EVC: variants seen among roughly 807,000 people sequenced by gnomAD.
The protein encoded by EVC is EvC ciliary complex subunit 1.
A neutral mutation model predicts 118.9 loss-of-function variants in EVC; 116 were observed. The observed-to-expected ratio is 0.98, with a 90% confidence interval of 0.84 to 1.14. The LOEUF (loss-of-function observed/expected upper bound fraction) is 1.14. EVC is among the 50% of genes most tolerant of loss of function. EVC has a pLI of 0.00. For synonymous variants in EVC, 619 were observed against 534.7 expected, an observed-to-expected ratio of 1.16 and a Z score of -2.18; for missense variants, 1,401 against 1,246.4, an observed-to-expected ratio of 1.12 and a Z score of -1.87.
rs1210023812 is a variant in EVC, at chr4:5,812,454, A to T, written c.*1417A>T. On this transcript the variant is annotated 3_prime_UTR_variant, in exon 21 of 21. Transcript: ENST00000264956. Reference sequence around the variant, plus strand: ...GCTCCTCACACCACAGCCAGGAGAGACCTTTTCTGCCTGGAGAGAAACTTT... The same window carrying T: ...GCTCCTCACACCACAGCCAGGAGAGTCCTTTTCTGCCTGGAGAGAAACTTT... 3 of 129,494 alleles carry T rather than the reference A, an allele frequency of 2.3e-5. No individual in the cohort carries two copies. The highest frequency in any genetic ancestry group is 3.0e-5 in the Non-Finnish European group (2 of 66,370). 8.0% of individuals were successfully genotyped at this position (129,494 alleles called of 1,614,324 possible). A position where few individuals can be genotyped will look rare whatever the true frequency, so the allele number is the denominator to read the frequency against.
chr4:5,808,136 T>TGCCAA, intron 17 of EVC, 65 bp from the exon 18 acceptor site: 1 of 306,556 alleles, frequency 3.3e-6, no homozygotes, highest in Non-Finnish European at 6.8e-6. Flanking sequence ...TCCTTCTCCC[T>TGCCAA]CCCTCCCTCC....
At chr4:5,805,906 T>TTC (rs1210073812) in intron 17 of EVC, among the ~76,000 whole-genome samples, 1 of 150,516 alleles carries the variant, frequency 6.6e-6, no homozygotes, top group African/African-American at 2.4e-5. Flanking sequence ...TTTTTTTTTT[T>TTC]TTTGAAGGAG....
chr4:5,766,683 C>T (rs1308524357), intron 11 of EVC, among the ~76,000 whole-genome samples: 5 of 138,686 alleles, frequency 3.6e-5, no homozygotes, highest in Non-Finnish European at 7.7e-5. Context: ...CCCTTTCTTC[C>T]AGTTGATCGC....
At chr4:5,748,397 C>T in intron 8 of EVC, 91 bp downstream of exon 8, 4 of 1,404,838 alleles carry the variant, frequency 2.8e-6, no homozygotes, top group South Asian at 2.5e-5. Context: ...CTAACAGATT[C>T]ATGTTGTAGC....
At chr4:5,767,804 C>T (rs901138290) in intron 11 of EVC, among the ~76,000 whole-genome samples, 2 of 152,176 alleles carry the variant, frequency 1.3e-5, no homozygotes, top group African/African-American at 2.4e-5. Flanking sequence ...CACTGTCTGG[C>T]ACTCCCTAGT....
chr4:5,818,710 C>T (rs1260743188), downstream of EVC, among the ~76,000 whole-genome samples: 1 of 152,192 alleles, frequency 6.6e-6, no homozygotes, highest in Admixed American at 6.5e-5. Flanking sequence ...TAGGACTCTG[C>T]AGAGTCCCCA....
intron 5 of EVC, among the ~76,000 whole-genome samples, chr4:5,741,451 C>G (rs149486305): frequency 6.6e-6 from 1 of 152,128 alleles, no homozygotes; most frequent in African/African-American, 2.4e-5. Flanking sequence ...AGTAAGCACT[C>G]AATATTTGTT....
chr4:5,741,842 A>G (rs767497415), intron 6 of EVC, 28 bp downstream of exon 6: 17 of 1,266,948 alleles, frequency 1.3e-5, no homozygotes, highest in Non-Finnish European at 1.8e-5. Context: ...GTTTCAAGGT[A>G]ACTTAAAAAT....
the EVC span, chr4:5,821,759 T>C: frequency 1.2e-6 from 2 of 1,607,968 alleles, no homozygotes; most frequent in East Asian, 2.2e-5. The surrounding 1 kb of genome is among the most constrained non-coding windows in gnomAD (Gnocchi z 4.4). Context: ...CGCATCCACG[T>C]TCAACCGAGG....
At chr4:5,825,880 C>A in the EVC span, 1 of 513,100 alleles carries the variant, frequency 1.9e-6, no homozygotes, top group Non-Finnish European at 3.5e-6. This position sits in a 1 kb window ranked among gnomAD's most constrained non-coding sequence, Gnocchi z 4.4. Context: ...CATCTACATA[C>A]CCACATGCAT....
rs560643080 is a variant in EVC at position 5,807,779 on chromosome 4, G to T, written c.2562-422G>T. On this transcript the variant is annotated intron_variant, in intron 17 of 20. Coordinates refer to ENST00000264956, the MANE Select transcript of EVC (RefSeq NM_153717.3). ...GGGATGGGTAGCCGGTAGGCCTCTG[G>T]TCCTTTCAGGAGAATGCTCCTCCCT... 5.3e-5 allele frequency among the ~76,000 whole-genome samples: 8 copies of T among 152,328 alleles called. No homozygotes were observed. The South Asian group carries it at 1.0e-3, about 20-fold the overall frequency.
At position 5,783,647 on chromosome 4, in the gene EVC, G is replaced by C. The variant is rs150425919; in HGVS notation, c.1659G>C (p.Glu553Asp). 2.4e-5 allele frequency: 38 copies of C among 1,614,208 alleles called. No individual in the cohort carries two copies. In the African/African-American group the frequency reaches 4.3e-4, roughly 18 times the overall value. Residue 553 changes from glutamate (E) to aspartate (D), a missense_variant, in exon 12 of 21, where the codon GAG becomes GAC. By Grantham distance (45) the Glu-to-Asp change is conservative (BLOSUM62 2). Transcript: ENST00000264956. ...LPGMTGLPPE[E>D]CDYLRQEVQE... is the part of the protein sequence containing the mutation. ...GCATGACTGGCCTCCCCCCGGAAGA[G>C]TGTGACTACTTGAGGCAGGAAGTCC...
chr4:5,731,442 C>T lies in EVC; in HGVS notation c.402C>T (p.Ser134=). The T allele has an allele frequency of 3.1e-6, 5 of 1,613,606 alleles. No homozygotes were observed. Among genetic ancestry groups the T allele is most frequent in the Non-Finnish European group, 4.2e-6 (5 of 1,179,946 alleles). ...NQKFRPLADG[S]SNPSLHENLK... ...CACCCCAGCCTCTGGCCGATGGCTC[C>T]TCCAACCCGTCTCTGCATGAAAACT... Residue 134 remains serine (S), a synonymous_variant, in exon 4 of 21, where the codon TCC becomes TCT. Coordinates refer to ENST00000264956, the MANE Select transcript of EVC (RefSeq NM_153717.3). The surrounding 1 kb of genome is among the most constrained non-coding windows in gnomAD (Gnocchi z 5.6).
chr4:5,809,475 A>G (rs1469210925), intron 18 of EVC, 43 bp from the exon 19 acceptor site: 1 of 1,566,600 alleles, frequency 6.4e-7, no homozygotes, highest in Non-Finnish European at 8.8e-7. Flanking sequence ...TAGAGAAGTC[A>G]GAGGGAGGCC....
chr4:5,725,467 A>G (rs1725661012), intron 2 of EVC, among the ~76,000 whole-genome samples: 1 of 152,152 alleles, frequency 6.6e-6, no homozygotes, highest in South Asian at 2.1e-4. Context: ...CATCTCTCTA[A>G]TGATCAGTGA....
At chr4:5,821,771 T>G in the EVC span, 4 of 1,610,252 alleles carry the variant, frequency 2.5e-6, no homozygotes, top group Admixed American at 3.3e-5. The surrounding 1 kb of genome is among the most constrained non-coding windows in gnomAD (Gnocchi z 4.4). Context: ...CAACCGAGGC[T>G]GGTGATGTTG....
the EVC span, among the ~76,000 whole-genome samples, chr4:5,823,402 A>G: frequency 6.6e-6 from 1 of 152,220 alleles, no homozygotes; most frequent in Non-Finnish European, 1.5e-5. Flanking sequence ...AACCATCTGT[A>G]CCTTGCTGGT....
chr4:5,761,241 T>G (rs908527849), intron 11 of EVC, among the ~76,000 whole-genome samples: 2 of 151,950 alleles, frequency 1.3e-5, no homozygotes, highest in Non-Finnish European at 2.9e-5. Context: ...AGTGAATGCC[T>G]CCCCGCCTGC....
intron 2 of EVC, among the ~76,000 whole-genome samples, chr4:5,726,299 GCTTTGGGCT>G (rs1725799781): frequency 6.6e-6 from 1 of 152,234 alleles, no homozygotes; most frequent in Admixed American, 6.5e-5. Flanking sequence ...GCAGCGCCAG[GCTTTGGGCT>G]TGCCTGTCTG....
Sources: allele counts gnomAD v4.1 joint callset (sites outside exome capture counted in the v4.1 genomes callset), GRCh38; gene constraint gnomAD v4.1.1; non-coding constraint Gnocchi (gnomAD v3.1); transcripts MANE v1.5; gene names NCBI Gene and HGNC (gene_info 2026-07-23, HGNC 2026-07-21).